Variants in GBP3 observed in about 807,000 individuals in gnomAD.
The protein encoded by GBP3 is guanylate binding protein 3, also known as guanylate-binding protein 3.
In GBP3, 55 loss-of-function variants were observed where a neutral mutation model predicts 62.4. The observed-to-expected ratio is 0.88, with a 90% confidence interval of 0.71 to 1.10. The LOEUF (loss-of-function observed/expected upper bound fraction) is 1.10. Among genes scored for constraint, GBP3 ranks in the 50% least tolerant of loss-of-function variants. GBP3 has a pLI of 0.00. For synonymous variants in GBP3, 208 were observed against 259.2 expected (o/e 0.80, Z 1.90); for missense variants, 605 against 690.6 (o/e 0.88, Z 1.39).
intron 10 of GBP3, 180 bp downstream of exon 10, chr1:89,008,767 T>C: frequency 8.3e-7 from 1 of 1,210,064 alleles, no homozygotes; most frequent in South Asian, 1.6e-5. Context: ...CAAATAAACT[T>C]TTAGTGACCA....
intron 1 of GBP3, among the ~76,000 whole-genome samples, chr1:89,021,512 A>G (rs12089537): frequency 0.012 from 865 of 69,278 alleles, 6 homozygotes; most frequent in African/African-American, 0.03. Flanking sequence ...GCGCGCGCGC[A>G]CACACACACA....
chr1:89,014,732 T>C, intron 3 of GBP3, 76 bp from the exon 4 acceptor site: 2 of 1,572,162 alleles, frequency 1.3e-6, no homozygotes, highest in South Asian at 2.3e-5. Context: ...GTAGTAAAAG[T>C]ATATCATAAG....
chr1:89,016,721 C>T (rs115922714), intron 2 of GBP3, among the ~76,000 whole-genome samples: 1,724 of 152,128 alleles, frequency 0.011, 23 homozygotes, highest in African/African-American at 0.039. Context: ...ACTACAGGCA[C>T]GTGACACCAG....
intron 2 of GBP3, among the ~76,000 whole-genome samples, chr1:89,018,845 T>G (rs1679023273): frequency 1.3e-5 from 2 of 152,332 alleles, no homozygotes; most frequent in Middle Eastern, 6.8e-3. Context: ...GTGACCCCCC[T>G]GGACCCAGCT....
intron 2 of GBP3, among the ~76,000 whole-genome samples, chr1:89,017,558 G>A (rs1678952073): frequency 6.6e-6 from 1 of 152,150 alleles, no homozygotes; most frequent in African/African-American, 2.4e-5. Context: ...GAAAACATTT[G>A]CTAAACGTGT....
rs777590361 is a variant in GBP3, at chr1:89,009,421, A to C, written c.1436T>G (p.Ile479Ser). 1.2e-6 allele frequency: 2 copies of C among 1,613,976 alleles called. No homozygotes were observed. Among genetic ancestry groups the C allele is most frequent in the African/African-American group, 2.7e-5 (2 of 74,916 alleles). The change falls in exon 9 of 11, where the codon ATT (isoleucine) becomes AGT (serine). Residue 479 changes from isoleucine (I) to serine (S), a missense_variant. This residue lies in a region of GBP3 where 160 missense variants were observed against 147.8 expected (regional missense o/e 1.08). Transcript: ENST00000370481. ...AATCTCCTTTTCCTTTTCTGTGAGA[A>C]TCTGGTCTGTCTGTAGAATTGCATC... Reference protein sequence around the residue: ...VTDAILQTDQILTEKEKEIEV... With the variant: ...VTDAILQTDQSLTEKEKEIEV...
chr1:89,021,544 A>ACCCCCC (rs57313061), intron 1 of GBP3, among the ~76,000 whole-genome samples: 14 of 141,038 alleles, frequency 9.9e-5, no homozygotes, highest in South Asian at 2.4e-4. Flanking sequence ...ACACACACAC[A>ACCCCCC]CCCCAAAAAA....
rs1453965422 is a variant in GBP3, at chr1:89,011,994, G to A, written c.902C>T (p.Ala301Val). The change falls in exon 7 of 11, where the codon GCT becomes GTT. Residue 301 changes from alanine to valine, a missense_variant. Ala to Val is a moderately conservative substitution (Grantham distance 64, BLOSUM62 0). Coordinates refer to ENST00000370481, the MANE Select transcript of GBP3 (RefSeq NM_018284.3). ...GCAGGGCAGATCCCCTCTGCTGATA[G>A]CATTGATATAGGTCAGCACTAGGCT... ...LESLVLTYIN[A>V]ISRGDLPCME... The A allele has an allele frequency of 6.8e-7, 1 of 1,462,450 alleles. No homozygotes were observed. The allele number at this position is 1,462,450 out of a possible 1,614,324, so 90.6% of individuals were successfully genotyped here. A position where few individuals can be genotyped will look rare whatever the true frequency, so the allele number is the denominator to read the frequency against.
chr1:89,019,830 G>T (rs1271657004), intron 2 of GBP3, among the ~76,000 whole-genome samples: 1 of 152,088 alleles, frequency 6.6e-6, no homozygotes, highest in Admixed American at 6.6e-5. Context: ...TGGTAGTGAT[G>T]GTTGCACAAC....
At chr1:89,020,813 TC>T in intron 1 of GBP3, 70 bp from the exon 2 acceptor site, 1 of 1,432,128 alleles carries the variant, frequency 7.0e-7, no homozygotes, top group Non-Finnish European at 9.5e-7. Context: ...GTCACAGAAT[TC>T]CCCAGGATGG....
rs780173240 is a variant in GBP3, at chr1:89,015,460, G to C, written c.191-46C>G. 3 of 1,573,130 alleles carry C rather than the reference G, an allele frequency of 1.9e-6. No homozygotes were observed. In the South Asian group the frequency reaches 3.5e-5, roughly 18 times the overall value. ...AAGAAGGGCTGGAGGTTTAATAGCA[G>C]GTACTTCAGGAAATTGAGGCAAATG... On this transcript the variant is annotated intron_variant, in intron 2 of 10. Coordinates refer to ENST00000370481, the MANE Select transcript of GBP3 (RefSeq NM_018284.3).
rs1488953047 is a variant in GBP3, at chr1:89,010,789, C to T, written c.1362+115G>A. 17 of 1,283,804 alleles carry T rather than the reference C, an allele frequency of 1.3e-5. 6 individuals are homozygous for T. Among genetic ancestry groups the T allele is most frequent in the Non-Finnish European group, 1.9e-5 (17 of 896,360 alleles). 79.5% of individuals were successfully genotyped at this position (1,283,804 alleles called of 1,614,324 possible). On this transcript the variant is annotated intron_variant, in intron 8 of 10. Coordinates refer to ENST00000370481, the MANE Select transcript of GBP3 (RefSeq NM_018284.3). ...CCCTGCATATGTTATTGAATGAAAG[C>T]ATGAATGTTATACAGACAAAAAAGC... is the stretch of plus-strand genomic sequence containing the variant.
chr1:89,008,697 T>C (rs765502203), intron 10 of GBP3: 2 of 595,932 alleles, frequency 3.4e-6, no homozygotes, highest in Non-Finnish European at 5.7e-6. Context: ...TTATGATGCC[T>C]AGCATATGAC....
At chr1:89,021,381 C>T (rs957560334) in intron 1 of GBP3, among the ~76,000 whole-genome samples, 2 of 152,062 alleles carry the variant, frequency 1.3e-5, no homozygotes, top group African/African-American at 4.8e-5. Flanking sequence ...TGAAGGGGCA[C>T]GTGCAAGAGA....
Position 89,014,633 on chromosome 1 carries a change from C to T in GBP3, c.342G>A (p.Trp114Ter), listed in dbSNP as rs756736018. The change falls in exon 4 of 11, where the codon TGG becomes TGA. Residue 114 changes from tryptophan to a stop codon, truncating the protein, a stop_gained. Transcript: ENST00000370481. LOFTEE classifies it high-confidence loss of function. ...VKKGDNQNDS[W>*]IFTLAVLLSS... ...TCAGGAGGACGGCCAGGGTGAAGAT[C>T]CAGGAGTCATTCTGGTTGTCACCCT... 7 of 1,614,018 alleles carry T rather than the reference C, an allele frequency of 4.3e-6. No individual in the cohort carries two copies. The highest frequency in any genetic ancestry group is 5.9e-6 in the Non-Finnish European group (7 of 1,179,976).
At position 89,013,328 on chromosome 1, in the gene GBP3, C is replaced by T. The variant is rs370692800; in HGVS notation, c.725G>A (p.Arg242His). ...KCFVFDLPIH[R>H]RKLAQLEKLQ... ...TTTCTCAAGCTGGGCAAGCTTCCTG[C>T]GGTGAATGGGCAGATCGAAGACAAA... The change falls in exon 6 of 11, where the codon CGC (arginine) becomes CAC (histidine). Residue 242 changes from arginine to histidine, a missense_variant. Around this residue, in one of 3 missense-constraint regions of GBP3, gnomAD observed 308 missense variants for 318.0 expected, o/e 0.97. Transcript: ENST00000370481. 5.5e-5 allele frequency: 88 copies of T among 1,614,010 alleles called. 1 individual carries two copies. Among genetic ancestry groups the T allele is most frequent in the South Asian group, 1.4e-4 (13 of 91,078 alleles).
Position 89,014,106 on chromosome 1 carries a change from T to G in GBP3, c.602A>C (p.Glu201Ala). 1 of 1,614,204 alleles carries G rather than the reference T, an allele frequency of 6.2e-7. No homozygotes were observed. The highest frequency in any genetic ancestry group is 1.1e-5 in the South Asian group (1 of 91,090). ...GQPLTPDEYL[E>A]YSLKLTQGTS... is the part of the protein sequence containing the mutation. The stretch of plus-strand genomic sequence containing the variant: ...ACCTTGCGTTAGCTTCAGGGAATAC[T>G]CCAGGTACTCATCTGGTGTGAGGGG... The change falls in exon 5 of 11, where the codon GAG (glutamate) becomes GCG (alanine). Residue 201 changes from glutamate to alanine, a missense_variant. Physicochemically the swap from Glu to Ala is moderately radical, Grantham distance 107 (BLOSUM62 -1). Around this residue, in one of 3 missense-constraint regions of GBP3, gnomAD observed 308 missense variants for 318.0 expected, o/e 0.97. Coordinates refer to ENST00000370481, the MANE Select transcript of GBP3 (RefSeq NM_018284.3).
chr1:89,015,526 A>T (rs1678839255), intron 2 of GBP3, 112 bp from the exon 3 acceptor site: 1 of 944,026 alleles, frequency 1.1e-6, no homozygotes, highest in African/African-American at 1.7e-5. Context: ...CCAAAACCAC[A>T]ATCAGTACTT....
At chr1:89,021,251 G>T (rs766775544) in intron 1 of GBP3, among the ~76,000 whole-genome samples, 1 of 152,050 alleles carries the variant, frequency 6.6e-6, no homozygotes, top group Non-Finnish European at 1.5e-5. Flanking sequence ...CTGTAATGAG[G>T]ATCCACAAAA....
Sources: gnomAD v4.1 joint callset for allele counts (sites outside exome capture counted in the v4.1 genomes callset) on GRCh38, gnomAD v4.1.1 for gene constraint, gnomAD v4.1.1 regional missense constraint, MANE v1.5 for transcripts, NCBI Gene and HGNC (gene_info 2026-07-23, HGNC 2026-07-21) for gene names.